Variants in CSMD1 observed in about 807,000 individuals in gnomAD.
CSMD1 encodes the protein CUB and sushi domain-containing protein 1.
A neutral mutation model predicts 417.5 loss-of-function variants in CSMD1; 213 were observed. The ratio of observed to expected loss-of-function variants is 0.51; its 90% CI spans 0.46 to 0.57. CSMD1 has a LOEUF of 0.57. Among genes scored for constraint, CSMD1 ranks in the 20% least tolerant of loss-of-function variants. The probability of loss-of-function intolerance (pLI) is 0.00; values close to 1 mark genes in which losing one functional copy is unlikely to be tolerated. For synonymous variants in CSMD1, 2,862 were observed against 1,736.8 expected (o/e 1.65, Z -16.11); for missense variants, 6,923 against 4,529.7 (o/e 1.53, Z -15.17).
chr8:4,909,124 G>C (rs913712777), intron 1 of CSMD1, among the ~76,000 whole-genome samples: 2 of 152,176 alleles, frequency 1.3e-5, no homozygotes, highest in Non-Finnish European at 2.9e-5. Context: ...AGGTGTCAGA[G>C]GATTTGATTT....
At chr8:3,010,226 G>A (rs767310764) in intron 52 of CSMD1, among the ~76,000 whole-genome samples, 13 of 152,138 alleles carry the variant, frequency 8.5e-5, no homozygotes, top group Non-Finnish European at 1.6e-4. Context: ...GCCTATCTTC[G>A]GTGTTGCCTG....
intron 3 of CSMD1, among the ~76,000 whole-genome samples, chr8:4,156,600 A>G (rs932919006): frequency 9.2e-5 from 14 of 152,204 alleles, no homozygotes; most frequent in African/African-American, 3.4e-4. Context: ...GTTAGTGACA[A>G]TATTAAAAAC....
chr8:3,237,293 C>T (rs145784248), intron 26 of CSMD1, among the ~76,000 whole-genome samples: 2 of 151,656 alleles, frequency 1.3e-5, no homozygotes, highest in East Asian at 1.9e-4. Flanking sequence ...TGGTGAAACC[C>T]TGTCTGTACT....
chr8:3,451,965 A>T (rs1184563594), intron 12 of CSMD1, among the ~76,000 whole-genome samples: 1 of 150,822 alleles, frequency 6.6e-6, no homozygotes, highest in Non-Finnish European at 1.5e-5. Flanking sequence ...ATGTTCTTCC[A>T]TTTGTTTGTC....
chr8:3,656,019 A>C (rs1001816861), intron 7 of CSMD1, among the ~76,000 whole-genome samples: 12 of 152,134 alleles, frequency 7.9e-5, no homozygotes, highest in African/African-American at 2.9e-4. Flanking sequence ...TTATTCTGCA[A>C]AGATGGACAT....
chr8:3,800,337 A>G lies in CSMD1; in HGVS notation c.819-46295T>C, dbSNP rs1266086489. Among the ~76,000 whole-genome samples, 3 of 152,158 alleles carry G rather than the reference A, an allele frequency of 2.0e-5. No homozygotes were observed. The East Asian group carries it at 5.8e-4, about 29-fold the overall frequency. ...ACATACCTTAATTTTATAATATGTC[A>G]AAATATTATTGTTCCGGAAGTGTTT... On this transcript the variant is annotated intron_variant, in intron 5 of 69. Transcript: ENST00000635120.
chr8:4,652,399 C>A (rs1192557964), intron 1 of CSMD1, among the ~76,000 whole-genome samples: 2 of 151,868 alleles, frequency 1.3e-5, no homozygotes, highest in Non-Finnish European at 2.9e-5. Context: ...TTGTCTGTTT[C>A]ATTCTGCTTT....
intron 49 of CSMD1, among the ~76,000 whole-genome samples, chr8:3,070,981 G>A (rs1345752834): frequency 6.6e-6 from 1 of 152,220 alleles, no homozygotes; most frequent in Non-Finnish European, 1.5e-5. Flanking sequence ...AGCTCCTGGG[G>A]AGACCTGAGG....
chr8:3,655,918 T>A (rs1798077534), intron 7 of CSMD1, among the ~76,000 whole-genome samples: 1 of 152,154 alleles, frequency 6.6e-6, no homozygotes, highest in South Asian at 2.1e-4. Context: ...ATGCCAGGAA[T>A]GAAGAGCAGG....
chr8:4,235,646 C>A (rs1037153764), intron 3 of CSMD1, among the ~76,000 whole-genome samples: 10 of 152,156 alleles, frequency 6.6e-5, no homozygotes, highest in African/African-American at 2.4e-4. Flanking sequence ...ACCTGAAATG[C>A]ATCGACCCTT....
chr8:3,529,765 A>G (rs574903204), intron 10 of CSMD1, among the ~76,000 whole-genome samples: 1 of 152,320 alleles, frequency 6.6e-6, no homozygotes, highest in South Asian at 2.1e-4. Context: ...TGCAAAATGC[A>G]TCAACATACT....
At chr8:4,136,589 C>T (rs566806155) in intron 3 of CSMD1, among the ~76,000 whole-genome samples, 2 of 152,124 alleles carry the variant, frequency 1.3e-5, no homozygotes, top group Non-Finnish European at 2.9e-5. Flanking sequence ...CAGAAGATGC[C>T]AATTCCAGCC....
At chr8:3,991,727 T>A (rs1005003900) in intron 5 of CSMD1, among the ~76,000 whole-genome samples, 1 of 152,140 alleles carries the variant, frequency 6.6e-6, no homozygotes, top group Non-Finnish European at 1.5e-5. Flanking sequence ...ATCTTCCTGT[T>A]TTGAAATTAG....
At chr8:3,264,532 C>A (rs1363265315) in intron 26 of CSMD1, among the ~76,000 whole-genome samples, 2 of 152,142 alleles carry the variant, frequency 1.3e-5, no homozygotes, top group Non-Finnish European at 2.9e-5. Context: ...GAATCATTTA[C>A]CACGTAATGC....
intron 1 of CSMD1, among the ~76,000 whole-genome samples, chr8:4,913,753 T>C (rs1805858189): frequency 1.3e-5 from 2 of 152,172 alleles, no homozygotes; most frequent in South Asian, 2.1e-4. Context: ...GAGTTGTCCA[T>C]GTGTTACCAG....
At chr8:3,272,330 G>T (rs922555074) in intron 26 of CSMD1, among the ~76,000 whole-genome samples, 5 of 147,330 alleles carry the variant, frequency 3.4e-5, no homozygotes, top group Non-Finnish European at 7.6e-5. Flanking sequence ...TTTGGTTACG[G>T]TAGCCTTGTA....
chr8:3,654,783 C>T lies in CSMD1; in HGVS notation c.1010-37986G>A, dbSNP rs567635676. On this transcript the variant is annotated intron_variant, in intron 7 of 69. Transcript: ENST00000635120. ...AACGGGGTAGGACTGGGTGCTCCCA[C>T]TGGGTCTACCAGCTGCCTCAGGGCT... Among the ~76,000 whole-genome samples the T allele has an allele frequency of 1.7e-3, 258 of 152,272 alleles. 1 individual carries two copies. Among genetic ancestry groups the T allele is most frequent in the Non-Finnish European group, 2.9e-3 (195 of 68,038 alleles).
chr8:4,469,993 G>C (rs548796627), intron 2 of CSMD1, among the ~76,000 whole-genome samples: 16 of 151,672 alleles, frequency 1.1e-4, no homozygotes, highest in Non-Finnish European at 1.9e-4. Flanking sequence ...TCAGCCTCCC[G>C]AGTAGCTGGG....
intron 3 of CSMD1, among the ~76,000 whole-genome samples, chr8:4,236,178 C>A (rs1363201279): frequency 1.3e-5 from 2 of 151,764 alleles, no homozygotes; most frequent in Non-Finnish European, 1.5e-5. Flanking sequence ...ACTGAAATGC[C>A]ACGGACAACA....
Sources: gnomAD v4.1 joint callset for allele counts (sites outside exome capture counted in the v4.1 genomes callset) on GRCh38, gnomAD v4.1.1 for gene constraint, MANE v1.5 for transcripts, NCBI Gene and HGNC (gene_info 2026-07-23, HGNC 2026-07-21) for gene names.